The following TRIP11 variants were observed in gnomAD, a reference collection of about 807,000 sequenced individuals.
TRIP11 encodes thyroid receptor-interacting protein 11.
TRIP11 carries 148 observed loss-of-function variants against 223.1 expected under a neutral mutation model. That is an observed-to-expected ratio of 0.66 (90% CI 0.58 to 0.76). The LOEUF (loss-of-function observed/expected upper bound fraction) is 0.76. TRIP11 is among the 30% of genes least tolerant of loss of function. The pLI is 0.00. For synonymous variants in TRIP11, 762 were observed against 772.6 expected (o/e 0.99, Z 0.23); for missense variants, 2,043 against 2,222.0 (o/e 0.92, Z 1.62).
At chr14:91,992,105 C>G (rs74244587) in intron 15 of TRIP11, among the ~76,000 whole-genome samples, 2,472 of 103,984 alleles carry the variant, frequency 0.024, 46 homozygotes, top group South Asian at 0.11. Context: ...AAAAAAAAAG[C>G]AAGTCTCAGA....
intron 16 of TRIP11, among the ~76,000 whole-genome samples, chr14:91,980,984 TG>T (rs1479357192): frequency 7.0e-6 from 1 of 143,504 alleles, no homozygotes; most frequent in Non-Finnish European, 1.5e-5. Flanking sequence ...AAATTTTATA[TG>T]TATATTATAT....
At position 92,005,133 on chromosome 14, in the gene TRIP11, T is replaced by C. The variant is rs750647881; in HGVS notation, c.2843A>G (p.Glu948Gly). The C allele has an allele frequency of 1.2e-6, 2 of 1,613,646 alleles. No homozygotes were observed. The highest frequency in any genetic ancestry group is 2.2e-5 in the South Asian group (2 of 91,084). ...CTGGGTGTGTGTGGCGTTCATTTGC[T>C]CATGCTGGTATCTAAACTCATCCAT... is the stretch of plus-strand genomic sequence containing the variant. ...KEMDEFRYQH[E>G]QMNATHTQLF... is the part of the protein sequence containing the mutation. The change falls in exon 11 of 21, where the codon GAG becomes GGG. Residue 948 changes from glutamate to glycine, a missense_variant. Coordinates refer to ENST00000267622, the MANE Select transcript of TRIP11 (RefSeq NM_004239.4).
At position 92,004,385 on chromosome 14, in the gene TRIP11, T is replaced by A. The variant is rs938587105; in HGVS notation, c.3591A>T (p.Gly1197=). ...CCTCAAATTGATTACTATTAACACCTCCAGCCTCATTACCAGTGCTGGATG... is the reference window on the plus strand; with the variant it reads ...CCTCAAATTGATTACTATTAACACCACCAGCCTCATTACCAGTGCTGGATG... The part of the protein sequence containing the change: ...LQTSSTGNEA[G]GVNSNQFEEL... Residue 1197 remains glycine (G), a synonymous_variant, in exon 11 of 21, where the codon GGA becomes GGT. Transcript: ENST00000267622. 1.9e-6 allele frequency: 3 copies of A among 1,614,062 alleles called. No individual in the cohort carries two copies. The highest frequency in any genetic ancestry group is 2.5e-6 in the Non-Finnish European group (3 of 1,180,030).
At chr14:91,976,386 G>C (rs1272088528) in intron 16 of TRIP11, among the ~76,000 whole-genome samples, 197 bp from the exon 17 acceptor site, 1 of 152,164 alleles carries the variant, frequency 6.6e-6, no homozygotes, top group African/African-American at 2.4e-5. Context: ...AAAAGCCAGA[G>C]TGCATTAATT....
At position 92,014,291 on chromosome 14, in the gene TRIP11, A is replaced by C; in HGVS notation, c.1110T>G (p.Thr370=). ...CAAGAATTCTTTCCTTTTCTGTCAT[A>C]GTATCACTTTGCTTCACAGCAGAAG... ...LQPSAVKQSD[T]MTEKERILAQ... The change falls in exon 7 of 21, where the codon ACT becomes ACG. Residue 370 remains threonine (T), a synonymous_variant. Coordinates refer to ENST00000267622, the MANE Select transcript of TRIP11 (RefSeq NM_004239.4). 1 of 1,614,086 alleles carries C rather than the reference A, an allele frequency of 6.2e-7. No homozygotes were observed. Among genetic ancestry groups the C allele is most frequent in the Non-Finnish European group, 8.5e-7 (1 of 1,180,000 alleles).
intron 1 of TRIP11, among the ~76,000 whole-genome samples, chr14:92,035,495 G>A (rs2057314255): frequency 6.6e-6 from 1 of 150,402 alleles, no homozygotes; most frequent in East Asian, 1.9e-4. Context: ...AACTGTCTTG[G>A]GCCATACATA....
At chr14:92,035,521 CGCTAATGA>C (rs1318681896) in intron 1 of TRIP11, among the ~76,000 whole-genome samples, 2 of 149,300 alleles carry the variant, frequency 1.3e-5, no homozygotes, top group Non-Finnish European at 3.0e-5. Flanking sequence ...CACTAACAAT[CGCTAATGA>C]GCTTTAAAAA....
chr14:91,969,976 T>G, intron 20 of TRIP11, 83 bp from the exon 21 acceptor site: 1 of 1,294,924 alleles, frequency 7.7e-7, no homozygotes, highest in Non-Finnish European at 1.1e-6. Flanking sequence ...TAGCATAAAG[T>G]TATCTGTGTA....
chr14:91,980,288 CA>C, intron 16 of TRIP11, among the ~76,000 whole-genome samples: 1 of 152,284 alleles, frequency 6.6e-6, no homozygotes, highest in African/African-American at 2.4e-5. Flanking sequence ...AATCATACTA[CA>C]TCTTAAAATG....
At chr14:91,989,318 G>T (rs61226043) in intron 15 of TRIP11, among the ~76,000 whole-genome samples, 2,009 of 152,128 alleles carry the variant, frequency 0.013, 29 homozygotes, top group African/African-American at 0.045. Context: ...GATGTAAGGT[G>T]AGGGTCTGTT....
At chr14:91,993,770 G>T in intron 15 of TRIP11, 39 bp downstream of exon 15, 2 of 1,474,282 alleles carry the variant, frequency 1.4e-6, no homozygotes, top group South Asian at 2.3e-5. Flanking sequence ...ACTGTTCCAT[G>T]AATAATAAAA....
intron 2 of TRIP11, chr14:92,026,468 G>T: frequency 2.7e-6 from 2 of 747,848 alleles, no homozygotes; most frequent in Non-Finnish European, 2.4e-6. Context: ...TTCCTCGTCC[G>T]CCTCCTTGCT....
At chr14:91,971,619 GGGGAA>G (rs2056401578) in intron 20 of TRIP11, among the ~76,000 whole-genome samples, 1 of 152,100 alleles carries the variant, frequency 6.6e-6, no homozygotes, top group African/African-American at 2.4e-5. Context: ...GGGAAAAGAA[GGGGAA>G]GGGAAGAGAG....
intron 16 of TRIP11, among the ~76,000 whole-genome samples, chr14:91,977,905 A>AT (rs2056488601): frequency 1.3e-5 from 2 of 152,238 alleles, no homozygotes; most frequent in African/African-American, 2.4e-5. Context: ...TTCATATAAT[A>AT]GGCCAATTTT....
At chr14:91,989,867 T>G (rs1429828341) in intron 15 of TRIP11, among the ~76,000 whole-genome samples, 1 of 152,174 alleles carries the variant, frequency 6.6e-6, no homozygotes, top group African/African-American at 2.4e-5. Flanking sequence ...ATTCCTTCTT[T>G]GGACCGCAGG....
intron 2 of TRIP11, chr14:92,027,020 C>G: frequency 1.6e-6 from 1 of 633,904 alleles, no homozygotes; most frequent in Non-Finnish European, 2.8e-6. Flanking sequence ...GCAGTGCCAC[C>G]AGCAGATGAC....
intron 3 of TRIP11, among the ~76,000 whole-genome samples, chr14:92,022,198 G>A (rs2057124069): frequency 6.6e-6 from 1 of 152,208 alleles, no homozygotes; most frequent in Non-Finnish European, 1.5e-5. Context: ...AATGAAAGCT[G>A]TGTCCGTCTA....
Position 92,039,539 on chromosome 14 carries a change from G to A in TRIP11, c.139+8C>T, listed in dbSNP as rs1467883445. The A allele has an allele frequency of 5.0e-6, 8 of 1,613,424 alleles. No homozygotes were observed. In the East Asian group the frequency reaches 1.3e-4, roughly 27 times the overall value. ...AAAAGCCCTCCCTTCCCTCGCTCCA[G>A]CTGTTACCTTCCACTTCCTCCGTGC... is the stretch of plus-strand genomic sequence containing the variant. On this transcript the variant is annotated splice_region_variant and intron_variant, in intron 1 of 20. Transcript: ENST00000267622.
chr14:91,982,357 T>C (rs1284160998), intron 16 of TRIP11, among the ~76,000 whole-genome samples: 8 of 152,150 alleles, frequency 5.3e-5, no homozygotes, highest in African/African-American at 1.9e-4. Context: ...GAATATATAT[T>C]TAATTTTAAA....
Sources: allele counts gnomAD v4.1 joint callset (sites outside exome capture counted in the v4.1 genomes callset), GRCh38; gene constraint gnomAD v4.1.1; transcripts MANE v1.5; gene names NCBI Gene and HGNC (gene_info 2026-07-23, HGNC 2026-07-21).